The following PDIA6 variants were observed in gnomAD, a reference collection of about 807,000 sequenced individuals.
The protein encoded by PDIA6 is protein disulfide-isomerase A6.
Under a neutral mutation model 58.4 loss-of-function variants are expected in PDIA6, and 29 were observed. The observed-to-expected ratio is 0.50, with a 90% confidence interval of 0.37 to 0.68. The LOEUF (loss-of-function observed/expected upper bound fraction) is 0.68, where lower values mean the gene tolerates loss of function less well. PDIA6 is among the 30% of genes least tolerant of loss of function. The pLI, the probability that PDIA6 is intolerant of heterozygous loss-of-function variation, is 0.00. For missense variants in PDIA6, 480 were observed against 551.0 expected, an observed-to-expected ratio of 0.87 and a Z score of 1.29; for synonymous variants, 192 against 202.6, an observed-to-expected ratio of 0.95 and a Z score of 0.44.
chr2:10,801,716 CTGG>C (rs1004230270), intron 2 of PDIA6, among the ~76,000 whole-genome samples: 10 of 152,158 alleles, frequency 6.6e-5, no homozygotes, highest in African/African-American at 2.2e-4. Context: ...TCCATGAGGA[CTGG>C]TGGTTAGTTT....
At chr2:10,812,130 G>C (rs1572691393) in intron 1 of PDIA6, among the ~76,000 whole-genome samples, 1 of 152,102 alleles carries the variant, frequency 6.6e-6, no homozygotes, top group East Asian at 1.9e-4. Flanking sequence ...GGCTGGTCTC[G>C]AACTCCTGAC....
intron 1 of PDIA6, among the ~76,000 whole-genome samples, chr2:10,825,270 CTCTCTCTGTCTCTCTCTCTG>C (rs1166750242): frequency 4.0e-5 from 1 of 24,896 alleles, no homozygotes; most frequent in Non-Finnish European, 9.4e-5. Flanking sequence ...CTCTCTGTCT[CTCTCTCTGTCTCTCTCTCTG>C]TCTCTCTCTC....
Position 10,824,921 on chromosome 2 carries a change from T to G in PDIA6, c.-47-5567A>C, listed in dbSNP as rs182718961. Among the ~76,000 whole-genome samples the G allele has an allele frequency of 2.3e-3, 357 of 152,328 alleles. 3 individuals are homozygous for G. Among genetic ancestry groups the G allele is most frequent in the African/African-American group, 7.7e-3 (320 of 41,564 alleles). On this transcript the variant is annotated intron_variant, in intron 1 of 13. Coordinates refer to the PDIA6 transcript ENST00000381611. ...GGATGCAAAGTATTGATCCTGGGTG[T>G]GTCTGTGAGGGTGTTGCCAAAGGAG...
chr2:10,816,077 C>CTT (rs57404091), upstream of PDIA6, among the ~76,000 whole-genome samples: 1,928 of 96,288 alleles, frequency 0.02, 124 homozygotes, highest in African/African-American at 0.044. Flanking sequence ...AATCATTTGT[C>CTT]TTTTTTTTTT....
chr2:10,835,378 C>G (rs1667810964), upstream of PDIA6, among the ~76,000 whole-genome samples: 1 of 152,108 alleles, frequency 6.6e-6, no homozygotes, highest in Non-Finnish European at 1.5e-5. Flanking sequence ...TGGCAGTGAG[C>G]CAGCCGGGTT....
intron 9 of PDIA6, 53 bp downstream of exon 9, chr2:10,788,844 C>G (rs915747987): frequency 1.3e-6 from 2 of 1,556,302 alleles, no homozygotes; most frequent in Non-Finnish European, 1.8e-6. Context: ...AGAAAGTATT[C>G]TCAGAGCATC....
rs1558460265 is a variant in PDIA6, at chr2:10,818,481, A to ATTT, written c.34+792_34+793insAAA. 7.5e-3 allele frequency among the ~76,000 whole-genome samples: 874 copies of ATTT among 115,782 alleles called. 9 individuals carry two copies. The highest frequency in any genetic ancestry group is 1.0e-2 in the Non-Finnish European group (573 of 57,496). 76.0% of individuals were successfully genotyped at this position (115,782 alleles called of 152,430 possible). Reference sequence around the variant, plus strand: ...TGTGCCCAGCTCACTTTAACCATTTAATTTATTTATTTATTTATTTATTTA... The same window carrying ATTT: ...TGTGCCCAGCTCACTTTAACCATTTATTTATTTATTTATTTATTTATTTATTTA... On this transcript the variant is annotated intron_variant, in intron 2 of 13. Transcript: ENST00000381611.
At chr2:10,809,810 G>C (rs1208767977) in intron 1 of PDIA6, among the ~76,000 whole-genome samples, 1 of 152,110 alleles carries the variant, frequency 6.6e-6, no homozygotes, top group Non-Finnish European at 1.5e-5. Context: ...AAAAGCAAAA[G>C]AGTAAGTTAC....
Position 10,799,128 on chromosome 2 carries a change from G to A in PDIA6, c.162-1371C>T, listed in dbSNP as rs139379337. Among the ~76,000 whole-genome samples the A allele has an allele frequency of 6.3e-4, 96 of 152,236 alleles. 1 individual carries two copies. Among genetic ancestry groups the A allele is most frequent in the Non-Finnish European group, 1.1e-3 (73 of 68,016 alleles). Reference sequence around the variant, plus strand: ...ATTGGGAAATACAACACAGAAAAGCGCTTTTAAAAAATTACATGTGCGTAA... The same window carrying A: ...ATTGGGAAATACAACACAGAAAAGCACTTTTAAAAAATTACATGTGCGTAA... On this transcript the variant is annotated intron_variant, in intron 2 of 12. Transcript: ENST00000272227.
upstream of PDIA6, among the ~76,000 whole-genome samples, chr2:10,817,478 C>A (rs1667232361): frequency 6.6e-6 from 1 of 152,210 alleles, no homozygotes; most frequent in Non-Finnish European, 1.5e-5. Context: ...GAAGAGACTG[C>A]AAGCAATGAA....
intron 1 of PDIA6, among the ~76,000 whole-genome samples, chr2:10,808,786 T>G (rs565003806): frequency 2.0e-5 from 3 of 152,300 alleles, no homozygotes; most frequent in Admixed American, 6.5e-5. Context: ...AAAAACACAC[T>G]GAATTCTGAA....
chr2:10,816,077 C>CTTTTTTTTTTTTTTTTTTTTTTT (rs57404091), upstream of PDIA6, among the ~76,000 whole-genome samples: 7 of 96,470 alleles, frequency 7.3e-5, 1 homozygote, highest in African/African-American at 3.1e-4. Flanking sequence ...AATCATTTGT[C>CTTTTTTTTTTTTTTTTTTTTTTT]TTTTTTTTTT....
intron 5 of PDIA6, among the ~76,000 whole-genome samples, chr2:10,792,161 T>A (rs1441776257): frequency 1.3e-5 from 2 of 152,194 alleles, no homozygotes; most frequent in East Asian, 1.9e-4. Flanking sequence ...ACACATAACC[T>A]GTACCTGAAT....
intron 1 of PDIA6, among the ~76,000 whole-genome samples, chr2:10,812,317 G>A (rs1028772823): frequency 6.6e-6 from 1 of 152,078 alleles, no homozygotes; most frequent in African/African-American, 2.4e-5. Context: ...TTCGAGAAGA[G>A]CCCGGAACAA....
intron 2 of PDIA6, among the ~76,000 whole-genome samples, chr2:10,818,534 A>ATTT (rs1405651513): frequency 0.018 from 1,419 of 81,056 alleles, 16 homozygotes; most frequent in East Asian, 0.039. Context: ...TTATTTATTT[A>ATTT]TTTTGAGATG....
chr2:10,799,601 G>C lies in PDIA6; in HGVS notation c.162-1844C>G, dbSNP rs143974470. 4.9e-3 allele frequency among the ~76,000 whole-genome samples: 744 copies of C among 152,298 alleles called. 6 individuals carry two copies. Among genetic ancestry groups the C allele is most frequent in the African/African-American group, 0.017 (713 of 41,554 alleles). On this transcript the variant is annotated intron_variant, in intron 2 of 12. Coordinates refer to ENST00000272227, the MANE Select transcript of PDIA6 (RefSeq NM_005742.4). ...CAGTATCTGAAGTTAGGGTCTATCG[G>C]GGGAATGTCCTGAAATGCTACTTCT...
At chr2:10,794,308 T>A (rs562656400) in intron 4 of PDIA6, among the ~76,000 whole-genome samples, 13 of 151,744 alleles carry the variant, frequency 8.6e-5, no homozygotes. Flanking sequence ...TAGCTGGGCG[T>A]GGTGGTGGAC....
At chr2:10,798,172 G>T (rs1057453486) in intron 2 of PDIA6, among the ~76,000 whole-genome samples, 15 of 151,568 alleles carry the variant, frequency 9.9e-5, no homozygotes, top group Admixed American at 9.9e-4. Flanking sequence ...GCAACAGAGT[G>T]AGATTCTGTC....
intron 1 of PDIA6, chr2:10,810,131 T>C: frequency 1.5e-6 from 1 of 670,146 alleles, no homozygotes; most frequent in Non-Finnish European, 2.7e-6. Flanking sequence ...GTATCAGGCA[T>C]TTTTCTAAAC....
Sources: allele counts gnomAD v4.1 joint callset (sites outside exome capture counted in the v4.1 genomes callset), GRCh38; gene constraint gnomAD v4.1.1; transcripts MANE v1.5; gene names NCBI Gene and HGNC (gene_info 2026-07-23, HGNC 2026-07-21).